TMEM132B: variants seen among roughly 807,000 people sequenced by gnomAD.
TMEM132B encodes the protein transmembrane protein 132B.
TMEM132B carries 18 observed loss-of-function variants against 90.8 expected under a neutral mutation model. The observed-to-expected ratio is 0.20, with a 90% CI of 0.14 to 0.29. The LOEUF is 0.29. TMEM132B is among the 10% of genes least tolerant of loss of function. The pLI is 1.00. For synonymous variants in TMEM132B, 504 were observed against 523.3 expected (o/e 0.96, Z 0.50); for missense variants, 1,096 against 1,326.8 (o/e 0.83, Z 2.70).
rs1335535760 is a variant in TMEM132B at position 125,648,124 on chromosome 12, A to G, written c.1644-2559A>G. Among the ~76,000 whole-genome samples the G allele has an allele frequency of 2.9e-5, 4 of 140,226 alleles. 1 individual carries two copies. Among genetic ancestry groups the G allele is most frequent in the African/African-American group, 1.1e-4 (4 of 37,388 alleles). The allele number at this position is 140,226 out of a possible 152,430, so 92.0% of individuals were successfully genotyped here. ...TGTGACCATGTGATCTCATTGTTCAATTCCCACCTATGAGTGAGAATATGC... is the reference window on the plus strand; with the variant it reads ...TGTGACCATGTGATCTCATTGTTCAGTTCCCACCTATGAGTGAGAATATGC... On this transcript the variant is annotated intron_variant, in intron 6 of 8. Transcript: ENST00000682704.
chr12:125,249,796 G>A (rs1417036046), intron 1 of TMEM132B, among the ~76,000 whole-genome samples: 1 of 152,240 alleles, frequency 6.6e-6, no homozygotes, highest in East Asian at 1.9e-4. Flanking sequence ...CTGACAATGG[G>A]AAGGGTGGGA....
chr12:125,550,304 T>A (rs1338278650), intron 4 of TMEM132B, among the ~76,000 whole-genome samples: 1 of 152,234 alleles, frequency 6.6e-6, no homozygotes, highest in African/African-American at 2.4e-5. Flanking sequence ...TTGGGTACTC[T>A]CCCTCAGCCC....
At chr12:125,517,344 T>G (rs1234711775) in intron 3 of TMEM132B, among the ~76,000 whole-genome samples, 2,722 of 45,646 alleles carry the variant, frequency 0.06, 425 homozygotes, top group African/African-American at 0.27. Flanking sequence ...TTTTTTTTTT[T>G]TTTTTTTTTT....
intron 3 of TMEM132B, among the ~76,000 whole-genome samples, chr12:125,466,619 A>T (rs141355264): frequency 6.6e-6 from 1 of 152,324 alleles, no homozygotes; most frequent in Non-Finnish European, 1.5e-5. Flanking sequence ...GAATGACTGG[A>T]AGTAGAAAAA....
chr12:125,621,462 G>A (rs1240705751), intron 5 of TMEM132B, among the ~76,000 whole-genome samples: 1 of 152,158 alleles, frequency 6.6e-6, no homozygotes, highest in Non-Finnish European at 1.5e-5. Flanking sequence ...AGGTTAGAAA[G>A]ACAGATGGAG....
chr12:125,228,473 T>G (rs1372394605), intron 1 of TMEM132B, among the ~76,000 whole-genome samples: 1 of 152,162 alleles, frequency 6.6e-6, no homozygotes, highest in East Asian at 1.9e-4. Context: ...GTCGAACAAT[T>G]TGGGTTTTGA....
At chr12:125,511,510 T>G (rs780970009) in intron 3 of TMEM132B, among the ~76,000 whole-genome samples, 1 of 151,780 alleles carries the variant, frequency 6.6e-6, no homozygotes, top group African/African-American at 2.4e-5. Flanking sequence ...GTCTGCTTGG[T>G]AGAAGAGATA....
chr12:125,453,018 T>C (rs1448033114), intron 3 of TMEM132B, among the ~76,000 whole-genome samples: 1 of 152,014 alleles, frequency 6.6e-6, no homozygotes, highest in Non-Finnish European at 1.5e-5. Context: ...CACTAAAATC[T>C]CAAGGCTTGT....
At chr12:125,433,062 T>C (rs1244389403) in intron 3 of TMEM132B, among the ~76,000 whole-genome samples, 2 of 152,232 alleles carry the variant, frequency 1.3e-5, no homozygotes, top group Non-Finnish European at 1.5e-5. Flanking sequence ...GCAGACACTT[T>C]ATGTCTTCTA....
In TMEM132B at chr12:125,584,794, T is replaced by C. The variant is rs1404733565; in HGVS notation, c.1437+800T>C. 2.0e-5 allele frequency: 3 copies of C among 152,330 alleles called. No homozygotes were observed. The East Asian group carries it at 5.8e-4, about 29-fold the overall frequency. 9.4% of individuals were successfully genotyped at this position (152,330 alleles called of 1,614,324 possible). On this transcript the variant is annotated intron_variant, in intron 5 of 8. Transcript: ENST00000682704. ...TTTCTGCCTATTTTTTCTTAGCACA[T>C]TGGTTGCTATTGCTTTTGCAGCAGA...
intron 3 of TMEM132B, among the ~76,000 whole-genome samples, chr12:125,436,439 G>A (rs978704507): frequency 1.3e-5 from 2 of 152,184 alleles, no homozygotes; most frequent in Non-Finnish European, 2.9e-5. Context: ...TTAAGAAGAG[G>A]TTACACTGGA....
chr12:125,407,000 G>A lies in TMEM132B; in HGVS notation c.960-8531G>A, dbSNP rs1035169789. On this transcript the variant is annotated intron_variant, in intron 2 of 8. Coordinates refer to ENST00000682704, the MANE Select transcript of TMEM132B (RefSeq NM_001366854.1). This position sits in a 1 kb window ranked among gnomAD's most constrained non-coding sequence, Gnocchi z 8.3. ...AGCATTTGCTTCTCCCAGAGCTGAT[G>A]TGCAACCATAGGCACAGAGTGCTGC... 7.2e-5 allele frequency among the ~76,000 whole-genome samples: 11 copies of A among 152,290 alleles called. No homozygotes were observed. The highest frequency in any genetic ancestry group is 2.6e-4 in the African/African-American group (11 of 41,564).
intron 1 of TMEM132B, among the ~76,000 whole-genome samples, chr12:125,254,810 A>G (rs902001134): frequency 6.6e-6 from 1 of 151,550 alleles, no homozygotes; most frequent in Admixed American, 6.6e-5. Flanking sequence ...CAGCCTCCCA[A>G]GTAGCTGGGA....
At chr12:125,572,791 A>G (rs535121232) in intron 4 of TMEM132B, among the ~76,000 whole-genome samples, 10 of 152,322 alleles carry the variant, frequency 6.6e-5, no homozygotes, top group African/African-American at 1.9e-4. Context: ...TTCTAGCTTC[A>G]TCATTCCTTT....
intron 1 of TMEM132B, among the ~76,000 whole-genome samples, chr12:125,187,936 C>G (rs905617474): frequency 7.9e-5 from 12 of 152,174 alleles, no homozygotes; most frequent in African/African-American, 2.4e-4. Flanking sequence ...TAGAAAATCT[C>G]TCCCCATTTC....
rs147788310 is a variant in TMEM132B, at chr12:125,509,224, A to G, written c.1107-10215A>G. 3.1e-3 allele frequency among the ~76,000 whole-genome samples: 469 copies of G among 152,274 alleles called. 14 individuals are homozygous for G. Among genetic ancestry groups the G allele is most frequent in the Admixed American group, 0.029 (437 of 15,302 alleles). On this transcript the variant is annotated intron_variant, in intron 3 of 8. Transcript: ENST00000682704. ...CAAGTGTTACATTCAGTCTTTCTCCAGCATGAACTGTGGTATCAGAGGTGT... is the reference window on the plus strand; with the variant it reads ...CAAGTGTTACATTCAGTCTTTCTCCGGCATGAACTGTGGTATCAGAGGTGT...
At chr12:125,300,397 G>T (rs948216207) in intron 1 of TMEM132B, among the ~76,000 whole-genome samples, 9 of 152,056 alleles carry the variant, frequency 5.9e-5, no homozygotes, top group African/African-American at 1.7e-4. Context: ...AGAGCCAGAG[G>T]CTGTAGGGAA....
chr12:125,483,021 C>A (rs1173475803), intron 3 of TMEM132B, among the ~76,000 whole-genome samples: 2 of 149,914 alleles, frequency 1.3e-5, no homozygotes, highest in Non-Finnish European at 3.0e-5. Context: ...CGCATGTTCT[C>A]ACTCATAGGT....
chr12:125,483,982 C>G (rs1882131659), intron 3 of TMEM132B, among the ~76,000 whole-genome samples: 1 of 152,164 alleles, frequency 6.6e-6, no homozygotes, highest in Admixed American at 6.5e-5. Context: ...GGAGTCTAAA[C>G]CTGCGGGGAG....
Sources: gnomAD v4.1 joint callset for allele counts (sites outside exome capture counted in the v4.1 genomes callset) on GRCh38, gnomAD v4.1.1 for gene constraint, Gnocchi (gnomAD v3.1) non-coding constraint, MANE v1.5 for transcripts, NCBI Gene and HGNC (gene_info 2026-07-23, HGNC 2026-07-21) for gene names.